AHDC1: variants seen among roughly 807,000 people sequenced by gnomAD.
AHDC1 encodes the protein AT-hook DNA binding motif containing 1, also known as transcription factor Gibbin.
A neutral mutation model predicts 87.9 loss-of-function variants in AHDC1; 7 were observed. The ratio of observed to expected loss-of-function variants is 0.08; its 90% CI spans 0.05 to 0.15. The LOEUF (loss-of-function observed/expected upper bound fraction) is 0.15, where lower values mean the gene tolerates loss of function less well. Ranked by LOEUF, AHDC1 falls within the 10% of genes least tolerant of loss-of-function variation. AHDC1 has a pLI of 1.00. For missense variants in AHDC1, 1,841 were observed against 2,253.2 expected (o/e 0.82, Z 3.70); for synonymous variants, 1,051 against 1,006.8 (o/e 1.04, Z -0.83).
At position 27,550,961 on chromosome 1, in the gene AHDC1, C is replaced by T; in HGVS notation, c.1155G>A (p.Arg385=). ...ACAGGATCTTTGGCCTATCAGTGCG[C>T]CGCAAGGCGTACTTGGGGTGACCCT... ...GPEGHPKYAL[R]RTDRPKILCR... is the part of the protein sequence containing the mutation. Residue 385 remains arginine, a synonymous_variant, in exon 8 of 9, where the codon CGG becomes CGA. Coordinates refer to ENST00000673934, the MANE Select transcript of AHDC1 (RefSeq NM_001371928.1). 1 of 1,597,132 alleles carries T rather than the reference C, an allele frequency of 6.3e-7. No individual in the cohort carries two copies. The highest frequency in any genetic ancestry group is 8.5e-7 in the Non-Finnish European group (1 of 1,177,802).
At position 27,593,178 on chromosome 1, in the gene AHDC1, G is replaced by C. The variant is rs1179885351; in HGVS notation, c.-629+10219C>G. Reference sequence around the variant, plus strand: ...TCCCGGGCTCCCTCCAGGGCTGGCTGGGGCAGGGGCTGAGGTGGGGAAGGG... The same window carrying C: ...TCCCGGGCTCCCTCCAGGGCTGGCTCGGGCAGGGGCTGAGGTGGGGAAGGG... On this transcript the variant is annotated intron_variant, in intron 3 of 8. Coordinates refer to ENST00000673934, the MANE Select transcript of AHDC1 (RefSeq NM_001371928.1). This position sits in a 1 kb window ranked among gnomAD's most constrained non-coding sequence, Gnocchi z 4.9. Among the ~76,000 whole-genome samples the C allele has an allele frequency of 6.6e-6, 1 of 152,066 alleles. No homozygotes were observed. The highest frequency in any genetic ancestry group is 1.5e-5 in the Non-Finnish European group (1 of 67,964).
intron 8 of AHDC1, among the ~76,000 whole-genome samples, chr1:27,541,358 G>T (rs182980771): frequency 6.4e-4 from 97 of 151,724 alleles, no homozygotes; most frequent in Non-Finnish European, 1.2e-3. Flanking sequence ...TTGCTCTGTC[G>T]CCCAGGCTGG....
chr1:27,595,450 C>CTG lies in AHDC1; in HGVS notation c.-629+7945_-629+7946dup, dbSNP rs372265193. Among the ~76,000 whole-genome samples the CTG allele has an allele frequency of 0.012, 1,759 of 144,686 alleles. 30 individuals are homozygous for CTG. The highest frequency in any genetic ancestry group is 0.031 in the African/African-American group (1,213 of 38,810). 94.9% of individuals were successfully genotyped at this position (144,686 alleles called of 152,430 possible). A position where few individuals can be genotyped will look rare whatever the true frequency, so the allele number is the denominator to read the frequency against. Reference sequence around the variant, plus strand: ...GGTTGATATGCTGAGGGTGTGATAGCTGTGTGTGTGTGTGTGTGTGATTGT... The same window carrying CTG: ...GGTTGATATGCTGAGGGTGTGATAGCTGTGTGTGTGTGTGTGTGTGTGATTGT... On this transcript the variant is annotated intron_variant, in intron 3 of 8. Coordinates refer to ENST00000673934, the MANE Select transcript of AHDC1 (RefSeq NM_001371928.1). The surrounding 1 kb of genome is among the most constrained non-coding windows in gnomAD (Gnocchi z 4.0).
intron 3 of AHDC1, among the ~76,000 whole-genome samples, chr1:27,569,615 G>A (rs2020479712): frequency 6.6e-6 from 1 of 152,178 alleles, no homozygotes; most frequent in Non-Finnish European, 1.5e-5. Flanking sequence ...GAGAAGGGAA[G>A]AACATCTCCT....
At chr1:27,584,647 C>T (rs753507521) in intron 3 of AHDC1, among the ~76,000 whole-genome samples, 17 of 152,130 alleles carry the variant, frequency 1.1e-4, no homozygotes, top group East Asian at 7.7e-4. Flanking sequence ...AGCACTGTAG[C>T]GGGGTGAGCT....
At chr1:27,602,027 G>A (rs761817844) in intron 3 of AHDC1, among the ~76,000 whole-genome samples, 29 of 152,164 alleles carry the variant, frequency 1.9e-4, no homozygotes, top group Non-Finnish European at 4.0e-4. Context: ...GGCCCCCCAA[G>A]GGTCCCTCCT....
At chr1:27,539,893 G>C (rs2148207641) in intron 8 of AHDC1, among the ~76,000 whole-genome samples, 1 of 152,250 alleles carries the variant, frequency 6.6e-6, no homozygotes, top group East Asian at 1.9e-4. Context: ...GTGTGACCCT[G>C]TGTCTCTACC....
At chr1:27,557,286 G>C (rs1378747948) in intron 5 of AHDC1, among the ~76,000 whole-genome samples, 2 of 138,302 alleles carry the variant, frequency 1.4e-5, no homozygotes, top group African/African-American at 2.7e-5. Context: ...TCCTGCCCTT[G>C]GCCCTTCCAG....
chr1:27,549,359 C>A lies in AHDC1; in HGVS notation c.2757G>T (p.Gln919His). 6.2e-7 allele frequency: 1 copy of A among 1,612,960 alleles called. No homozygotes were observed. The highest frequency in any genetic ancestry group is 1.1e-5 in the South Asian group (1 of 91,036). The stretch of plus-strand genomic sequence containing the variant: ...TTGCTGCTCGTCCTGGTGGGAAGGT[C>A]TGGCGCGCGGACAGGACAGGCTGAA... The part of the protein sequence containing the change: ...PSFQPVLSAR[Q>H]TFPPGRAASY... The change falls in exon 8 of 9, where the codon CAG becomes CAT. Residue 919 changes from glutamine (Q) to histidine (H), a missense_variant. Around this residue, in one of 13 missense-constraint regions of AHDC1, gnomAD observed 378 missense variants for 399.0 expected, o/e 0.95. Coordinates refer to ENST00000673934, the MANE Select transcript of AHDC1 (RefSeq NM_001371928.1).
intron 3 of AHDC1, among the ~76,000 whole-genome samples, chr1:27,582,157 C>T (rs1231164495): frequency 2.6e-5 from 4 of 152,220 alleles, no homozygotes; most frequent in Non-Finnish European, 5.9e-5. Flanking sequence ...CTGCCCACAC[C>T]CCTCCAATTC....
intron 3 of AHDC1, among the ~76,000 whole-genome samples, chr1:27,584,073 C>A (rs1437466678): frequency 6.6e-6 from 1 of 152,192 alleles, no homozygotes; most frequent in Non-Finnish European, 1.5e-5. Flanking sequence ...CTAATTTAAT[C>A]CTCACAACAC....
intron 3 of AHDC1, among the ~76,000 whole-genome samples, chr1:27,572,146 TG>T (rs1385916071): frequency 6.6e-6 from 1 of 151,490 alleles, no homozygotes; most frequent in Non-Finnish European, 1.5e-5. Context: ...CCAGACGGGG[TG>T]GAATTGGTTC....
chr1:27,534,261 G>GTTTTTTTTTTTTTTT lies in AHDC1; in HGVS notation c.*698_*699insAAAAAAAAAAAAAAA, dbSNP rs1195913812. The GTTTTTTTTTTTTTTT allele has an allele frequency of 2.2e-5, 2 of 89,658 alleles. No homozygotes were observed. Among genetic ancestry groups the GTTTTTTTTTTTTTTT allele is most frequent in the Admixed American group, 1.1e-4 (1 of 9,196 alleles). 5.6% of individuals were successfully genotyped at this position (89,658 alleles called of 1,614,324 possible). ...GACACAAGGTTGGTTTTTTTTTTTT[G>GTTTTTTTTTTTTTTT]TTTTTTTTTTGTTTTTTTTTTGCTT... On this transcript the variant is annotated 3_prime_UTR_variant, in exon 9 of 9. Transcript: ENST00000673934.
intron 8 of AHDC1, among the ~76,000 whole-genome samples, chr1:27,535,558 G>A (rs545387121): frequency 5.3e-5 from 8 of 152,254 alleles, no homozygotes; most frequent in Admixed American, 5.2e-4. Flanking sequence ...GCACAGGTGT[G>A]AACAACTGCT....
At chr1:27,586,284 G>A (rs2089054787) in intron 3 of AHDC1, among the ~76,000 whole-genome samples, 1 of 152,008 alleles carries the variant, frequency 6.6e-6, no homozygotes. Context: ...GAAGAGGGAG[G>A]GAAAGGAGGA....
chr1:27,551,941 CGGA>C lies in AHDC1; in HGVS notation c.172_174del (p.Ser58del). ...CGGCGTGGGGGTGGGCGTGGGTTCT[CGGA>C]GAAGGCGTGGGTGGAGAAGGCCTTG... On this transcript the variant is annotated inframe_deletion, in exon 8 of 9. Coordinates refer to ENST00000673934, the MANE Select transcript of AHDC1 (RefSeq NM_001371928.1). 3 of 1,497,242 alleles carry C rather than the reference CGGA, an allele frequency of 2.0e-6. No homozygotes were observed. The highest frequency in any genetic ancestry group is 2.7e-6 in the Non-Finnish European group (3 of 1,117,320). The allele number at this position is 1,497,242 out of a possible 1,614,324, so 92.7% of individuals were successfully genotyped here.
At chr1:27,567,311 G>A (rs1159857571) in intron 3 of AHDC1, among the ~76,000 whole-genome samples, 1 of 152,188 alleles carries the variant, frequency 6.6e-6, no homozygotes, top group Non-Finnish European at 1.5e-5. Context: ...AGAGGGCAGC[G>A]CGGGGCGCCC....
intron 3 of AHDC1, among the ~76,000 whole-genome samples, chr1:27,588,838 G>A (rs2089141330): frequency 6.6e-6 from 1 of 152,152 alleles, no homozygotes; most frequent in Admixed American, 6.5e-5. Context: ...TGTGAGGAAG[G>A]CTGTGTGTGC....
In AHDC1 at chr1:27,565,089, G is replaced by C. The variant is rs1271729121; in HGVS notation, c.-628-6206C>G. The stretch of plus-strand genomic sequence containing the variant: ...TGGCGACAGATGGCCTGCCGAGGCA[G>C]CGGCGATCTGGGCGGCTGGCAGGCA... On this transcript the variant is annotated intron_variant, in intron 3 of 8. Coordinates refer to ENST00000673934, the MANE Select transcript of AHDC1 (RefSeq NM_001371928.1). This position sits in a 1 kb window ranked among gnomAD's most constrained non-coding sequence, Gnocchi z 4.6. Among the ~76,000 whole-genome samples, 1 of 152,208 alleles carries C rather than the reference G, an allele frequency of 6.6e-6. No individual in the cohort carries two copies. The highest frequency in any genetic ancestry group is 6.5e-5 in the Admixed American group (1 of 15,292).
Sources: gnomAD v4.1 joint callset for allele counts (sites outside exome capture counted in the v4.1 genomes callset) on GRCh38, gnomAD v4.1.1 for gene constraint, gnomAD v4.1.1 regional missense constraint, Gnocchi (gnomAD v3.1) non-coding constraint, MANE v1.5 for transcripts, NCBI Gene and HGNC (gene_info 2026-07-23, HGNC 2026-07-21) for gene names.